ABHD16A: variants seen among roughly 807,000 people sequenced by gnomAD.
ABHD16A encodes the protein phosphatidylserine lipase ABHD16A.
In ABHD16A, 47 loss-of-function variants were observed where a neutral mutation model predicts 89.8. The ratio of observed to expected loss-of-function variants is 0.52; its 90% CI spans 0.41 to 0.67. ABHD16A has a LOEUF of 0.67. Among genes scored for constraint, ABHD16A ranks in the 30% least tolerant of loss-of-function variants. The pLI is 0.00. For synonymous variants in ABHD16A, 251 were observed against 280.4 expected (o/e 0.90, Z 1.05); for missense variants, 580 against 734.6 (o/e 0.79, Z 2.43).
chr6:31,701,965 G>C (rs963069279), intron 2 of ABHD16A, 109 bp downstream of exon 2: 98 of 1,228,980 alleles, frequency 8.0e-5, no homozygotes, highest in Non-Finnish European at 5.5e-5. Context: ...CAGAGCCCAG[G>C]GCATCCCCCA....
chr6:31,691,518 C>T, intron 9 of ABHD16A, 61 bp downstream of exon 9: 1 of 1,534,616 alleles, frequency 6.5e-7, no homozygotes. Flanking sequence ...CATTGGGGTC[C>T]CCAGACCTCT....
At chr6:31,700,026 G>A (rs1295592823) in intron 4 of ABHD16A, among the ~76,000 whole-genome samples, 1 of 152,146 alleles carries the variant, frequency 6.6e-6, no homozygotes, top group Non-Finnish European at 1.5e-5. Flanking sequence ...AGGATTACAG[G>A]CATGAGCCAC....
At chr6:31,702,168 C>G in intron 1 of ABHD16A, 38 bp from the exon 2 acceptor site, 1 of 1,597,422 alleles carries the variant, frequency 6.3e-7, no homozygotes, top group South Asian at 1.1e-5. Flanking sequence ...ACCCTGCCCA[C>G]TGGCAGGTCC....
At position 31,690,522 on chromosome 6, in the gene ABHD16A, C is replaced by A; in HGVS notation, c.907+17G>T. ...CTTTCAAAGGGCGGAGATAAGGAGGCTGAGTCACCGTCCTACCTTCCAGGG... is the reference window on the plus strand; with the variant it reads ...CTTTCAAAGGGCGGAGATAAGGAGGATGAGTCACCGTCCTACCTTCCAGGG... On this transcript the variant is annotated intron_variant, in intron 10 of 19. Coordinates refer to ENST00000395952, the MANE Select transcript of ABHD16A (RefSeq NM_021160.3). The surrounding 1 kb of genome is among the most constrained non-coding windows in gnomAD (Gnocchi z 4.1). 6.2e-7 allele frequency: 1 copy of A among 1,612,732 alleles called. No individual in the cohort carries two copies. The highest frequency in any genetic ancestry group is 8.5e-7 in the Non-Finnish European group (1 of 1,179,736).
At position 31,692,985 on chromosome 6, in the gene ABHD16A, C is replaced by T; in HGVS notation, c.626+42G>A. On this transcript the variant is annotated intron_variant, in intron 7 of 19. Transcript: ENST00000395952. Reference sequence around the variant, plus strand: ...CACTCCCAGAGCACTCCTGAAATGGCCCCTCCACCCCAGTGGGCCTCTCCT... The same window carrying T: ...CACTCCCAGAGCACTCCTGAAATGGTCCCTCCACCCCAGTGGGCCTCTCCT... 3 of 1,614,106 alleles carry T rather than the reference C, an allele frequency of 1.9e-6. No individual in the cohort carries two copies. The South Asian group carries it at 3.3e-5, about 18-fold the overall frequency.
rs1291253784 is a variant in ABHD16A, at chr6:31,703,301, G to A, written c.-20C>T. On this transcript the variant is annotated 5_prime_UTR_variant, in exon 1 of 20. Coordinates refer to ENST00000395952, the MANE Select transcript of ABHD16A (RefSeq NM_021160.3). ...CGCCATGGCCCCGGCTCGGGCCGCT[G>A]CTCTTCCAGCAGCAGGTCCCCCTGC... The A allele has an allele frequency of 2.2e-6, 3 of 1,339,624 alleles. No individual in the cohort carries two copies. Among genetic ancestry groups the A allele is most frequent in the Non-Finnish European group, 9.7e-7 (1 of 1,033,804 alleles). The allele number at this position is 1,339,624 out of a possible 1,614,324, so 83.0% of individuals were successfully genotyped here. A position where few individuals can be genotyped will look rare whatever the true frequency, so the allele number is the denominator to read the frequency against.
At position 31,703,174 on chromosome 6, in the gene ABHD16A, G is replaced by A; in HGVS notation, c.108C>T (p.Val36=). 1 of 1,435,932 alleles carries A rather than the reference G, an allele frequency of 7.0e-7. No homozygotes were observed. Among genetic ancestry groups the A allele is most frequent in the Non-Finnish European group, 9.2e-7 (1 of 1,088,170 alleles). The allele number at this position is 1,435,932 out of a possible 1,614,324, so 88.9% of individuals were successfully genotyped here. ...PASVPETPTA[V]TAPHSSSWDT... ...CCCAGGAGCTGGAATGGGGGGCAGTGACTGCCGTTGGCGTCTCAGGGACGC... is the reference window on the plus strand; with the variant it reads ...CCCAGGAGCTGGAATGGGGGGCAGTAACTGCCGTTGGCGTCTCAGGGACGC... Residue 36 remains valine, a synonymous_variant, in exon 1 of 20, where the codon GTC becomes GTT. Transcript: ENST00000395952.
In ABHD16A at chr6:31,693,102, C is replaced by A. The variant is rs139667935; in HGVS notation, c.551G>T (p.Arg184Leu). Residue 184 changes from arginine to leucine, a missense_variant, in exon 7 of 20, where the codon CGC becomes CTC. Physicochemically the swap from Arg to Leu is moderately radical, Grantham distance 102. This residue lies in a region of ABHD16A where 415 missense variants were observed against 568.8 expected (regional missense o/e 0.73). Transcript: ENST00000395952. This position sits in a 1 kb window ranked among gnomAD's most constrained non-coding sequence, Gnocchi z 5.0. ...TGTCCCCCGGTGCAGGGGCTCTGGG[C>A]GAAGCAGGGCCACACCCCGGCGGGA... ...GPSRRGVALL[R>L]PEPLHRGTAD... The A allele has an allele frequency of 1.2e-3, 2,012 of 1,614,098 alleles. 9 individuals carry two copies. Among genetic ancestry groups the A allele is most frequent in the Middle Eastern group, 6.4e-3 (39 of 6,052 alleles).
In ABHD16A at chr6:31,688,583, G is replaced by A; in HGVS notation, c.1250+140C>T. The A allele has an allele frequency of 9.6e-7, 1 of 1,041,740 alleles. No homozygotes were observed. Among genetic ancestry groups the A allele is most frequent in the Non-Finnish European group, 1.4e-6 (1 of 709,792 alleles). The allele number at this position is 1,041,740 out of a possible 1,614,324, so 64.5% of individuals were successfully genotyped here. A position where few individuals can be genotyped will look rare whatever the true frequency, so the allele number is the denominator to read the frequency against. On this transcript the variant is annotated intron_variant, in intron 14 of 19. Coordinates refer to ENST00000395952, the MANE Select transcript of ABHD16A (RefSeq NM_021160.3). This position sits in a 1 kb window ranked among gnomAD's most constrained non-coding sequence, Gnocchi z 4.9. The stretch of plus-strand genomic sequence containing the variant: ...GGACCTGGGAGGGGTTAGGCCAGTT[G>A]AGGTGGTGGCAGGGTCACTCAGGAT...
At chr6:31,703,022 G>C in intron 1 of ABHD16A, 128 bp downstream of exon 1, 3 of 1,360,790 alleles carry the variant, frequency 2.2e-6, no homozygotes, top group Non-Finnish European at 2.9e-6. Flanking sequence ...ACAGAGCGCA[G>C]ATTTTGCGGA....
intron 3 of ABHD16A, 120 bp from the exon 4 acceptor site, chr6:31,701,148 A>G (rs1804944111): frequency 7.6e-7 from 1 of 1,322,460 alleles, no homozygotes; most frequent in Non-Finnish European, 1.1e-6. Context: ...CCTAAGAGGA[A>G]GAAGATGCCT....
rs1453211420 is a variant in ABHD16A at position 31,688,653 on chromosome 6, C to T, written c.1250+70G>A. ...CCAACTTGCACTTTAGTACTAGTTT[C>T]AGGGTTTGAGCGCCCAGCAGAGCTG... On this transcript the variant is annotated intron_variant, in intron 14 of 19. Transcript: ENST00000395952. This position sits in a 1 kb window ranked among gnomAD's most constrained non-coding sequence, Gnocchi z 4.9. 5.8e-6 allele frequency: 9 copies of T among 1,562,924 alleles called. No individual in the cohort carries two copies. The highest frequency in any genetic ancestry group is 5.4e-5 in the African/African-American group (4 of 73,650).
intron 1 of ABHD16A, among the ~76,000 whole-genome samples, chr6:31,702,364 G>T (rs1299860382): frequency 6.6e-6 from 1 of 152,198 alleles, no homozygotes; most frequent in African/African-American, 2.4e-5. Context: ...AGTGAAAGCA[G>T]CATTGGACGA....
Position 31,693,058 on chromosome 6 carries a change from G to C in ABHD16A, c.595C>G (p.Arg199Gly). 1 of 1,614,182 alleles carries C rather than the reference G, an allele frequency of 6.2e-7. No individual in the cohort carries two copies. The highest frequency in any genetic ancestry group is 1.6e-4 in the Middle Eastern group (1 of 6,062). ...HRGTADTLLN[R>G]VKKLPCQITS... Reference sequence around the variant, plus strand: ...ATCTGACAAGGCAGCTTCTTAACCCGGTTGAGGAGGGTGTCTGCTGTCCCC... The same window carrying C: ...ATCTGACAAGGCAGCTTCTTAACCCCGTTGAGGAGGGTGTCTGCTGTCCCC... The change falls in exon 7 of 20, where the codon CGG becomes GGG. Residue 199 changes from arginine to glycine, a missense_variant. This residue lies in a region of ABHD16A where 415 missense variants were observed against 568.8 expected (regional missense o/e 0.73). Transcript: ENST00000395952. This position sits in a 1 kb window ranked among gnomAD's most constrained non-coding sequence, Gnocchi z 5.0.
chr6:31,697,540 C>CG (rs1399161486), intron 4 of ABHD16A, among the ~76,000 whole-genome samples: 2 of 152,154 alleles, frequency 1.3e-5, no homozygotes, highest in African/African-American at 4.8e-5. Flanking sequence ...CTTCTATCCT[C>CG]ATTCTCTTCA....
At position 31,691,965 on chromosome 6, in the gene ABHD16A, G is replaced by A. The variant is rs138627733; in HGVS notation, c.627-47C>T. 3,841 of 1,469,846 alleles carry A rather than the reference G, an allele frequency of 2.6e-3. 18 individuals carry two copies. Among genetic ancestry groups the A allele is most frequent in the Middle Eastern group, 0.012 (49 of 4,068 alleles). The allele number at this position is 1,469,846 out of a possible 1,614,324, so 91.1% of individuals were successfully genotyped here. ...AAACCCCAACCCTGTTGAGGCCTGG[G>A]GACTGTGCTGGGGACCATCCCAGCC... On this transcript the variant is annotated intron_variant, in intron 7 of 19. Transcript: ENST00000395952.
Position 31,691,868 on chromosome 6 carries a change from A to G in ABHD16A, c.677T>C (p.Val226Ala). The G allele has an allele frequency of 6.2e-7, 1 of 1,611,628 alleles. No individual in the cohort carries two copies. The highest frequency in any genetic ancestry group is 8.5e-7 in the Non-Finnish European group (1 of 1,179,808). ...CATGAGGGCCTTCTGCAGCAGGTACACAGAGCCTGGATACAGCATCCGGCG... is the reference window on the plus strand; with the variant it reads ...CATGAGGGCCTTCTGCAGCAGGTACGCAGAGCCTGGATACAGCATCCGGCG... The part of the protein sequence containing the change: ...LGRRMLYPGS[V>A]YLLQKALMPV... The change falls in exon 8 of 20, where the codon GTG becomes GCG. Residue 226 changes from valine to alanine, a missense_variant. Coordinates refer to ENST00000395952, the MANE Select transcript of ABHD16A (RefSeq NM_021160.3).
Position 31,700,943 on chromosome 6 carries a change from TC to T in ABHD16A, c.341del (p.Arg114GlnfsTer103). On this transcript the variant is annotated frameshift_variant and splice_region_variant, in exon 4 of 20. Transcript: ENST00000395952. LOFTEE classifies it high-confidence loss of function. ...LLLLAGVACL[R>X]GIGRWTNPQY... ...AAACCAGGTTTCCTCTCCACCTACCTCGGAGGCAGGCCACACCTGCCAGAAG... is the reference window on the plus strand; with the variant it reads ...AAACCAGGTTTCCTCTCCACCTACCTGGAGGCAGGCCACACCTGCCAGAAG... 1 of 1,613,110 alleles carries T rather than the reference TC, an allele frequency of 6.2e-7. No homozygotes were observed. The highest frequency in any genetic ancestry group is 8.5e-7 in the Non-Finnish European group (1 of 1,179,280).
intron 1 of ABHD16A, chr6:31,702,836 A>G: frequency 7.2e-7 from 1 of 1,395,178 alleles, no homozygotes; most frequent in Non-Finnish European, 9.3e-7. Flanking sequence ...CAGTCCGCGC[A>G]GGGTCTCTTC....
Sources: allele counts gnomAD v4.1 joint callset (sites outside exome capture counted in the v4.1 genomes callset), GRCh38; gene constraint gnomAD v4.1.1; regional missense constraint gnomAD v4.1.1; non-coding constraint Gnocchi (gnomAD v3.1); transcripts MANE v1.5; gene names NCBI Gene and HGNC (gene_info 2026-07-23, HGNC 2026-07-21).